The following SPMIP9 variants were observed in gnomAD, a reference collection of about 807,000 sequenced individuals.
SPMIP9 encodes protein SPMIP9.
chr2:88,529,080 A>G, the SPMIP9 span: 1 of 1,613,626 alleles, frequency 6.2e-7, no homozygotes, highest in Non-Finnish European at 8.5e-7. Context: ...CAACTCCGGG[A>G]CAAAGAGTTT....
At chr2:88,527,327 C>G in the SPMIP9 span, among the ~76,000 whole-genome samples, 5 of 152,048 alleles carry the variant, frequency 3.3e-5, no homozygotes, top group African/African-American at 1.2e-4. Context: ...AATCCCGTCT[C>G]TATAAAAAAT....
chr2:88,528,916 A>C, the SPMIP9 span: 1 of 819,232 alleles, frequency 1.2e-6, no homozygotes. Flanking sequence ...TCTGTTGTAT[A>C]TGTTACCATT....
chr2:88,527,093 G>A, the SPMIP9 span, among the ~76,000 whole-genome samples: 4 of 152,112 alleles, frequency 2.6e-5, no homozygotes, highest in Admixed American at 6.5e-5. Context: ...TTAAAACATG[G>A]CACATTAACA....
At chr2:88,528,932 A>G in the SPMIP9 span, 2 of 932,978 alleles carry the variant, frequency 2.1e-6, no homozygotes, top group Non-Finnish European at 3.2e-6. Flanking sequence ...CCATTCAAGG[A>G]CTAATTTAAA....
At chr2:88,529,072 A>G in the SPMIP9 span, 9 of 1,612,816 alleles carry the variant, frequency 5.6e-6, no homozygotes, top group African/African-American at 1.2e-4. Flanking sequence ...TCGATGCTCA[A>G]CTCCGGGACA....
chr2:88,526,376 T>C, the SPMIP9 span: 1 of 1,556,628 alleles, frequency 6.4e-7, no homozygotes, highest in Non-Finnish European at 8.9e-7. Flanking sequence ...CGAGGGAATC[T>C]CTTGTTTTAT....
chr2:88,529,153 C>T, the SPMIP9 span: 5 of 1,614,178 alleles, frequency 3.1e-6, no homozygotes, highest in African/African-American at 2.7e-5. Flanking sequence ...TCAAAAGACC[C>T]CACATGACTG....
chr2:88,529,528 G>T, the SPMIP9 span: 2 of 1,459,448 alleles, frequency 1.4e-6, no homozygotes, highest in South Asian at 2.6e-5. Flanking sequence ...GAAATCCTAT[G>T]ACCTTGGAGT....
At chr2:88,525,562 G>A in the SPMIP9 span, 30 of 1,554,020 alleles carry the variant, frequency 1.9e-5, no homozygotes, top group Admixed American at 5.0e-4. Context: ...ATGCTTGGTT[G>A]GCACAGCTTG....
the SPMIP9 span, chr2:88,529,344 C>G: frequency 1.2e-6 from 2 of 1,614,038 alleles, no homozygotes; most frequent in Non-Finnish European, 8.5e-7. Context: ...CTCGTGGATC[C>G]CAAACACCAG....
chr2:88,526,138 A>G, the SPMIP9 span, among the ~76,000 whole-genome samples: 763 of 152,242 alleles, frequency 5.0e-3, 6 homozygotes, highest in Middle Eastern at 0.034. Context: ...GGAGTTTGCT[A>G]GTCTGTGAGG....
the SPMIP9 span, among the ~76,000 whole-genome samples, chr2:88,526,657 T>C: frequency 6.7e-6 from 1 of 149,178 alleles, no homozygotes; most frequent in East Asian, 2.0e-4. Flanking sequence ...TGTGCATGTA[T>C]GTGTGTGTAT....
At chr2:88,525,734 C>T in the SPMIP9 span, 1 of 1,554,416 alleles carries the variant, frequency 6.4e-7, no homozygotes, top group Non-Finnish European at 8.9e-7. Context: ...CAGCAAGGCC[C>T]TGGAAGGGCC....
At chr2:88,525,498 G>T in the SPMIP9 span, 28 of 874,016 alleles carry the variant, frequency 3.2e-5, no homozygotes, top group Non-Finnish European at 5.0e-5. Context: ...GTGACATGCA[G>T]GGTAGGAGCC....
the SPMIP9 span, chr2:88,525,802 T>TG: frequency 1.1e-6 from 1 of 894,602 alleles, no homozygotes; most frequent in East Asian, 2.4e-5. Context: ...TGTGGGTTTT[T>TG]TTTTTTTTTG....
chr2:88,525,365 C>G, the SPMIP9 span, among the ~76,000 whole-genome samples: 2 of 152,180 alleles, frequency 1.3e-5, no homozygotes, highest in African/African-American at 4.8e-5. Flanking sequence ...TCAGCTATAC[C>G]TCTCAAACAG....
chr2:88,525,781 G>C, the SPMIP9 span: 2 of 1,062,420 alleles, frequency 1.9e-6, no homozygotes, highest in Non-Finnish European at 2.8e-6. Flanking sequence ...TGTAATGATA[G>C]TTTTGGGTTT....
At chr2:88,525,614 A>G in the SPMIP9 span, 3 of 1,614,054 alleles carry the variant, frequency 1.9e-6, no homozygotes, top group Non-Finnish European at 2.5e-6. Flanking sequence ...GAGCAGGGCT[A>G]AACAACTTGT....
At chr2:88,526,164 T>C in the SPMIP9 span, among the ~76,000 whole-genome samples, 10 of 152,080 alleles carry the variant, frequency 6.6e-5, no homozygotes. Flanking sequence ...AACTTGCATT[T>C]CCATCAGGAG....
Sources: gnomAD v4.1 joint callset for allele counts (sites outside exome capture counted in the v4.1 genomes callset) on GRCh38, gnomAD v4.1.1 for gene constraint, MANE v1.5 for transcripts, NCBI Gene and HGNC (gene_info 2026-07-23, HGNC 2026-07-21) for gene names.